The following GATAD1 variants were observed in gnomAD, a reference collection of about 807,000 sequenced individuals.
GATAD1 encodes GATA zinc finger domain containing 1, also known as GATA zinc finger domain-containing protein 1.
Under a neutral mutation model 26.5 loss-of-function variants are expected in GATAD1, and 12 were observed. The ratio of observed to expected loss-of-function variants is 0.45; its 90% CI spans 0.29 to 0.73. The LOEUF (loss-of-function observed/expected upper bound fraction) is 0.73, where lower values mean the gene tolerates loss of function less well. Ranked by LOEUF, GATAD1 falls within the 30% of genes least tolerant of loss-of-function variation. The pLI is 0.10. For synonymous variants in GATAD1, 129 were observed against 133.1 expected (o/e 0.97, Z 0.21); for missense variants, 266 against 342.1 (o/e 0.78, Z 1.75).
Position 92,450,766 on chromosome 7 carries a change from C to T in GATAD1, c.435+6C>T. The T allele has an allele frequency of 6.3e-7, 1 of 1,585,464 alleles. No homozygotes were observed. Among genetic ancestry groups the T allele is most frequent in the South Asian group, 1.1e-5 (1 of 90,456 alleles). On this transcript the variant is annotated splice_donor_region_variant and intron_variant, in intron 3 of 4. Transcript: ENST00000287957. Reference sequence around the variant, plus strand: ...CAGAATCAATCTTCTACAAGGTAAGCTTTTGTAGAGTTACTGAAGGAAGAG... The same window carrying T: ...CAGAATCAATCTTCTACAAGGTAAGTTTTTGTAGAGTTACTGAAGGAAGAG...
the GATAD1 span, chr7:92,487,458 T>C: frequency 6.5e-7 from 1 of 1,546,330 alleles, no homozygotes; most frequent in Non-Finnish European, 8.9e-7. Flanking sequence ...AAGTATATTT[T>C]ATGCTAAAGT....
In GATAD1 at chr7:92,447,533, C is replaced by T. The variant is rs1789197768; in HGVS notation, c.-197C>T. 1 of 555,334 alleles carries T rather than the reference C, an allele frequency of 1.8e-6. No homozygotes were observed. Among genetic ancestry groups the T allele is most frequent in the African/African-American group, 2.0e-5 (1 of 50,106 alleles). 34.4% of individuals were successfully genotyped at this position (555,334 alleles called of 1,614,324 possible). A position where few individuals can be genotyped will look rare whatever the true frequency, so the allele number is the denominator to read the frequency against. On this transcript the variant is annotated 5_prime_UTR_variant, in exon 1 of 5. Coordinates refer to ENST00000287957, the MANE Select transcript of GATAD1 (RefSeq NM_021167.5). ...TCGGGCCAGGGAATCCTGGCCTCCG[C>T]CTGCGGAGCCGGCGGAACCCGCTTC...
At chr7:92,489,942 G>A in the GATAD1 span, 1 of 1,544,722 alleles carries the variant, frequency 6.5e-7, no homozygotes, top group Non-Finnish European at 8.9e-7. Flanking sequence ...ATGAAAGATG[G>A]AAGGAAGAGG....
the GATAD1 span, chr7:92,468,730 C>T: frequency 1.0e-5 from 7 of 683,542 alleles, no homozygotes; most frequent in Admixed American, 2.2e-5. Flanking sequence ...ACAGGAAAAC[C>T]TAAGTGCTGT....
chr7:92,493,523 C>T, the GATAD1 span: 1 of 158,768 alleles, frequency 6.3e-6, no homozygotes, highest in East Asian at 1.8e-4. Flanking sequence ...CCTGTGGTCC[C>T]AGCTACTCGG....
At chr7:92,480,913 A>G in the GATAD1 span, among the ~76,000 whole-genome samples, 5 of 152,040 alleles carry the variant, frequency 3.3e-5, no homozygotes, top group Admixed American at 2.6e-4. Flanking sequence ...TAGTGAGGAA[A>G]CCTCTTTCAG....
the GATAD1 span, among the ~76,000 whole-genome samples, chr7:92,480,894 A>C: frequency 6.6e-6 from 1 of 152,050 alleles, no homozygotes; most frequent in Non-Finnish European, 1.5e-5. Flanking sequence ...ATGATGGAGG[A>C]CCCTTGCGTA....
At chr7:92,478,210 G>T in the GATAD1 span, among the ~76,000 whole-genome samples, 1 of 152,182 alleles carries the variant, frequency 6.6e-6, no homozygotes, top group Non-Finnish European at 1.5e-5. Flanking sequence ...GATAATTGCT[G>T]TATCTCCAGG....
chr7:92,448,380 C>G (rs1262379977), intron 1 of GATAD1, among the ~76,000 whole-genome samples: 2 of 152,152 alleles, frequency 1.3e-5, no homozygotes, highest in Non-Finnish European at 2.9e-5. Flanking sequence ...CCATAACCTA[C>G]TACGTTCTCT....
chr7:92,490,632 C>CAAAA, the GATAD1 span, among the ~76,000 whole-genome samples: 25 of 79,624 alleles, frequency 3.1e-4, no homozygotes, highest in African/African-American at 9.9e-4. Context: ...GAGACTGTCT[C>CAAAA]AAAAAAAAAA....
chr7:92,479,027 T>G, the GATAD1 span, among the ~76,000 whole-genome samples: 5 of 152,152 alleles, frequency 3.3e-5, no homozygotes, highest in Admixed American at 3.3e-4. Flanking sequence ...AGACACCGCC[T>G]CCTCCAGCCT....
At chr7:92,478,964 G>C in the GATAD1 span, among the ~76,000 whole-genome samples, 1 of 152,012 alleles carries the variant, frequency 6.6e-6, no homozygotes, top group Admixed American at 6.6e-5. Context: ...TTTTTTGCGG[G>C]GTACATGAAT....
chr7:92,448,212 C>G (rs1789252974), intron 1 of GATAD1, among the ~76,000 whole-genome samples: 2 of 152,244 alleles, frequency 1.3e-5, no homozygotes, highest in African/African-American at 4.8e-5. Context: ...AAGAAAATCT[C>G]AATATACACA....
chr7:92,453,610 G>C lies in GATAD1; in HGVS notation c.436-892G>C, dbSNP rs559296386. On this transcript the variant is annotated intron_variant, in intron 3 of 4. Coordinates refer to ENST00000287957, the MANE Select transcript of GATAD1 (RefSeq NM_021167.5). The stretch of plus-strand genomic sequence containing the variant: ...GTCTAGGAGATGTACAGTAGGTTGA[G>C]GTAAACATATCCTGAAGACTATAAT... Among the ~76,000 whole-genome samples the C allele has an allele frequency of 2.0e-5, 3 of 152,300 alleles. No individual in the cohort carries two copies. The South Asian group carries it at 6.2e-4, about 32-fold the overall frequency.
the GATAD1 span, chr7:92,491,437 A>G: frequency 6.2e-7 from 1 of 1,613,966 alleles, no homozygotes; most frequent in African/African-American, 1.3e-5. Flanking sequence ...CGTCAGAGCC[A>G]CTGCTATGGT....
intron 2 of GATAD1, chr7:92,450,118 A>G (rs1442173972): frequency 1.3e-5 from 2 of 152,404 alleles, no homozygotes; most frequent in Non-Finnish European, 2.9e-5. Context: ...TAAGCAAGAC[A>G]CATCTGGGGA....
the GATAD1 span, among the ~76,000 whole-genome samples, chr7:92,486,535 T>TAA: frequency 2.6e-5 from 4 of 152,186 alleles, no homozygotes; most frequent in Non-Finnish European, 5.9e-5. Context: ...AGTGATCCAC[T>TAA]AAGTCTTTGT....
At chr7:92,493,088 T>C in the GATAD1 span, 1 of 1,612,350 alleles carries the variant, frequency 6.2e-7, no homozygotes, top group Non-Finnish European at 8.5e-7. Context: ...CTGCCAGAGG[T>C]AGAGAGTCAC....
Position 92,458,169 on chromosome 7 carries a change from CCTT to C in GATAD1, c.*1610_*1612del, listed in dbSNP as rs1388866238. On this transcript the variant is annotated 3_prime_UTR_variant, in exon 5 of 5. Coordinates refer to ENST00000287957, the MANE Select transcript of GATAD1 (RefSeq NM_021167.5). ...AAAAAAGAAAAAATTTTAATTTAAT[CCTT>C]CTGTAGAAACAGGCATTCAGAACCA... The C allele has an allele frequency of 1.4e-5, 2 of 140,544 alleles. No homozygotes were observed. Among genetic ancestry groups the C allele is most frequent in the Non-Finnish European group, 3.0e-5 (2 of 65,574 alleles). 8.7% of individuals were successfully genotyped at this position (140,544 alleles called of 1,614,324 possible). A position where few individuals can be genotyped will look rare whatever the true frequency, so the allele number is the denominator to read the frequency against.
Sources: gnomAD v4.1 joint callset for allele counts (sites outside exome capture counted in the v4.1 genomes callset) on GRCh38, gnomAD v4.1.1 for gene constraint, MANE v1.5 for transcripts, NCBI Gene and HGNC (gene_info 2026-07-23, HGNC 2026-07-21) for gene names.